The following DLGAP2 variants were observed in gnomAD, a reference collection of about 807,000 sequenced individuals.
DLGAP2 encodes the protein DLG associated protein 2, also known as disks large-associated protein 2.
DLGAP2 carries 26 observed loss-of-function variants against 100.3 expected under a neutral mutation model. The observed-to-expected ratio is 0.26, with a 90% CI of 0.19 to 0.36. DLGAP2 has a LOEUF of 0.36. Among genes scored for constraint, DLGAP2 ranks in the 10% least tolerant of loss-of-function variants. The probability of loss-of-function intolerance (pLI) is 1.00; values close to 1 mark genes in which losing one functional copy is unlikely to be tolerated. For synonymous variants in DLGAP2, 886 were observed against 630.1 expected, an observed-to-expected ratio of 1.41 and a Z score of -6.08; for missense variants, 1,858 against 1,453.2, an observed-to-expected ratio of 1.28 and a Z score of -4.53.
chr8:1,039,835 G>A (rs570674577), intron 2 of DLGAP2, among the ~76,000 whole-genome samples: 73 of 146,728 alleles, frequency 5.0e-4, no homozygotes, highest in Middle Eastern at 4.1e-3. Flanking sequence ...TGGTCGGCTC[G>A]GTGTGCATGT....
At chr8:1,027,565 G>C (rs1330632364) in intron 2 of DLGAP2, among the ~76,000 whole-genome samples, 1 of 148,840 alleles carries the variant, frequency 6.7e-6, no homozygotes, top group South Asian at 2.2e-4. Context: ...GGGGTGCCAA[G>C]CGCCCGTTAT....
intron 3 of DLGAP2, among the ~76,000 whole-genome samples, chr8:1,478,464 G>A (rs899578477): frequency 1.3e-5 from 2 of 152,200 alleles, no homozygotes; most frequent in Non-Finnish European, 2.9e-5. Context: ...TCCTCAGGTG[G>A]CCAACAGCAT....
chr8:1,422,687 T>C (rs954189817), intron 3 of DLGAP2, among the ~76,000 whole-genome samples: 9 of 151,698 alleles, frequency 5.9e-5, no homozygotes, highest in Non-Finnish European at 1.3e-4. Flanking sequence ...CAGGGGGTGG[T>C]ACACAGCAGG....
chr8:1,439,200 C>G (rs1797751018), intron 3 of DLGAP2, among the ~76,000 whole-genome samples: 1 of 152,086 alleles, frequency 6.6e-6, no homozygotes, highest in Non-Finnish European at 1.5e-5. Context: ...CCGCCCAGCC[C>G]CTCCCCTCCA....
intron 2 of DLGAP2, among the ~76,000 whole-genome samples, chr8:1,196,341 G>A (rs929572017): frequency 1.3e-5 from 2 of 152,224 alleles, no homozygotes; most frequent in Admixed American, 1.3e-4. Context: ...TCTCCTGTTT[G>A]GAGTGTACCT....
intron 2 of DLGAP2, among the ~76,000 whole-genome samples, chr8:1,196,493 C>T (rs1797752061): frequency 6.6e-6 from 1 of 152,192 alleles, no homozygotes; most frequent in Non-Finnish European, 1.5e-5. Context: ...CCTCACGTTT[C>T]AAGCCTGAGC....
chr8:1,300,024 C>T (rs752653358), intron 3 of DLGAP2: 8 of 152,204 alleles, frequency 5.3e-5, no homozygotes, highest in Non-Finnish European at 1.2e-4. Context: ...AGGCTGGTGT[C>T]TCTTCCTGAA....
chr8:1,501,454 G>T (rs947481398), intron 4 of DLGAP2, 23 bp downstream of exon 4: 1 of 1,535,126 alleles, frequency 6.5e-7, no homozygotes, highest in African/African-American at 1.4e-5. Flanking sequence ...CGTCAGCCCC[G>T]CTCTGGCGGG....
intron 2 of DLGAP2, among the ~76,000 whole-genome samples, chr8:981,791 G>T (rs1301376161): frequency 6.6e-6 from 1 of 152,188 alleles, no homozygotes. Flanking sequence ...ACTTGTAGAA[G>T]TTCTTTATAT....
chr8:892,051 A>G lies in DLGAP2; in HGVS notation c.19-15861A>G, dbSNP rs139295184. Among the ~76,000 whole-genome samples the G allele has an allele frequency of 7.9e-4, 120 of 152,362 alleles. 1 individual carries two copies. The highest frequency in any genetic ancestry group is 2.8e-3 in the African/African-American group (116 of 41,592). ...ATGGCCACTGTCAAAACCGCAGATA[A>G]TAGCAAGTGTTGGGAGGATGTGGAG... On this transcript the variant is annotated intron_variant, in intron 1 of 14. Coordinates refer to ENST00000637795, the MANE Select transcript of DLGAP2 (RefSeq NM_001346810.2).
rs1032010227 is a variant in DLGAP2, at chr8:811,535, C to T, written c.18+73710C>T. Among the ~76,000 whole-genome samples, 26 of 149,648 alleles carry T rather than the reference C, an allele frequency of 1.7e-4. 1 individual carries two copies. The highest frequency in any genetic ancestry group is 2.7e-4 in the Non-Finnish European group (18 of 67,236). On this transcript the variant is annotated intron_variant, in intron 1 of 14. Transcript: ENST00000637795. Reference sequence around the variant, plus strand: ...GCCACCAGCTTTCGGATGAAGCTCCCATCATCCTTGGAATGAGCAGGAACT... The same window carrying T: ...GCCACCAGCTTTCGGATGAAGCTCCTATCATCCTTGGAATGAGCAGGAACT...
chr8:1,184,770 G>A (rs1785417196), intron 2 of DLGAP2, among the ~76,000 whole-genome samples: 1 of 152,210 alleles, frequency 6.6e-6, no homozygotes, highest in South Asian at 2.1e-4. Context: ...TGCTGGTGAC[G>A]ATGACTGGTT....
chr8:1,253,198 C>T (rs1463368745), intron 2 of DLGAP2, among the ~76,000 whole-genome samples: 1 of 152,224 alleles, frequency 6.6e-6, no homozygotes, highest in Non-Finnish European at 1.5e-5. Flanking sequence ...CTGAGCTTGG[C>T]TTCGTCCTGA....
intron 2 of DLGAP2, among the ~76,000 whole-genome samples, chr8:1,120,519 A>G (rs143213131): frequency 2.6e-4 from 39 of 152,196 alleles, no homozygotes; most frequent in African/African-American, 8.9e-4. Flanking sequence ...CGGAACCCAC[A>G]GCTACCCAGC....
chr8:1,619,714 C>G (rs1248023113), intron 6 of DLGAP2: 2 of 152,154 alleles, frequency 1.3e-5, no homozygotes. Flanking sequence ...ATTCACAGAA[C>G]TCCATAAGTT....
intron 1 of DLGAP2, among the ~76,000 whole-genome samples, chr8:902,292 C>T (rs1798268394): frequency 6.6e-6 from 1 of 151,718 alleles, no homozygotes; most frequent in East Asian, 2.0e-4. Flanking sequence ...ACAGAGCGGA[C>T]GTGTGTTCTG....
At chr8:1,173,625 G>A (rs114214683) in intron 2 of DLGAP2, among the ~76,000 whole-genome samples, 4 of 152,134 alleles carry the variant, frequency 2.6e-5, no homozygotes, top group Non-Finnish European at 5.9e-5. Context: ...CGCCTAGTTT[G>A]ATCTTAGACT....
At position 1,300,371 on chromosome 8, in the gene DLGAP2, C is replaced by G. The variant is rs7010376; in HGVS notation, c.106+41488C>G. ...GCCCTGGACTGGATTTTACCAGATG[C>G]GTTTTCCCTCCCTACACTGGCGTTT... On this transcript the variant is annotated intron_variant, in intron 3 of 14. Coordinates refer to ENST00000637795, the MANE Select transcript of DLGAP2 (RefSeq NM_001346810.2). The G allele has an allele frequency of 1.1e-4, 16 of 152,076 alleles. 1 individual carries two copies. Among genetic ancestry groups the G allele is most frequent in the East Asian group, 7.7e-4 (4 of 5,168 alleles). The allele number at this position is 152,076 out of a possible 1,614,324, so 9.4% of individuals were successfully genotyped here.
intron 3 of DLGAP2, among the ~76,000 whole-genome samples, chr8:1,485,313 T>C (rs1316448725): frequency 6.6e-6 from 1 of 152,222 alleles, no homozygotes; most frequent in Non-Finnish European, 1.5e-5. Context: ...TTTTTTCATA[T>C]CATTTTTCCA....
Sources: gnomAD v4.1 joint callset for allele counts (sites outside exome capture counted in the v4.1 genomes callset) on GRCh38, gnomAD v4.1.1 for gene constraint, MANE v1.5 for transcripts, NCBI Gene and HGNC (gene_info 2026-07-23, HGNC 2026-07-21) for gene names.